Variants in ANKS1B observed in about 807,000 individuals in gnomAD.
The protein encoded by ANKS1B is ankyrin repeat and sterile alpha motif domain-containing protein 1B.
A neutral mutation model predicts 148.3 loss-of-function variants in ANKS1B; 36 were observed. That is an observed-to-expected ratio of 0.24 (90% CI 0.19 to 0.32). ANKS1B has a LOEUF of 0.32. Among genes scored for constraint, ANKS1B ranks in the 10% least tolerant of loss-of-function variants. The pLI is 1.00. For missense variants in ANKS1B, 1,157 were observed against 1,542.6 expected, an observed-to-expected ratio of 0.75 and a Z score of 4.19; for synonymous variants, 542 against 560.8, an observed-to-expected ratio of 0.97 and a Z score of 0.47.
chr12:99,019,303 T>C (rs1160617967), intron 17 of ANKS1B, among the ~76,000 whole-genome samples: 1 of 152,190 alleles, frequency 6.6e-6, no homozygotes, highest in African/African-American at 2.4e-5. Flanking sequence ...ATGCAGTTAA[T>C]AAAATTGGTA....
At chr12:99,547,437 C>T (rs2097181326) in intron 9 of ANKS1B, among the ~76,000 whole-genome samples, 2 of 152,104 alleles carry the variant, frequency 1.3e-5, no homozygotes, top group Admixed American at 1.3e-4. Flanking sequence ...AATATAGGAA[C>T]TTAAACACCC....
chr12:99,461,063 TATAC>T (rs144543168), intron 10 of ANKS1B, among the ~76,000 whole-genome samples: 5,649 of 151,378 alleles, frequency 0.037, 366 homozygotes, highest in African/African-American at 0.13. Context: ...TATATATATA[TATAC>T]ACATACACAC....
At chr12:99,671,832 T>C (rs1234207940) in intron 8 of ANKS1B, among the ~76,000 whole-genome samples, 1 of 152,172 alleles carries the variant, frequency 6.6e-6, no homozygotes, top group Admixed American at 6.6e-5. Flanking sequence ...ATGCTTCTTT[T>C]GTATGCTCAA....
At chr12:99,066,308 A>G (rs2153574746) in intron 16 of ANKS1B, among the ~76,000 whole-genome samples, 1 of 152,276 alleles carries the variant, frequency 6.6e-6, no homozygotes, top group South Asian at 2.1e-4. Flanking sequence ...GTGACAAAGC[A>G]AAACTCTGTC....
chr12:99,533,472 T>A (rs977271748), intron 9 of ANKS1B, among the ~76,000 whole-genome samples: 1 of 152,148 alleles, frequency 6.6e-6, no homozygotes, highest in Non-Finnish European at 1.5e-5. Flanking sequence ...TAAGATCATA[T>A]CATCAGCAAA....
At chr12:98,784,296 G>A (rs1220184811) in intron 22 of ANKS1B, among the ~76,000 whole-genome samples, 1 of 152,164 alleles carries the variant, frequency 6.6e-6, no homozygotes, top group Non-Finnish European at 1.5e-5. Flanking sequence ...ACACTTCAGG[G>A]GAAGATGAAA....
chr12:99,080,116 A>G (rs1027641710), intron 16 of ANKS1B, among the ~76,000 whole-genome samples: 1 of 152,214 alleles, frequency 6.6e-6, no homozygotes, highest in African/African-American at 2.4e-5. Flanking sequence ...GACGGATTTG[A>G]ACTGGATTCC....
intron 7 of ANKS1B, 31 bp from the exon 8 acceptor site, chr12:99,773,119 G>A (rs778817439): frequency 2.6e-6 from 4 of 1,568,534 alleles, no homozygotes; most frequent in Non-Finnish European, 3.5e-6. Flanking sequence ...GAAGTTTCAA[G>A]AAAGGCTATT....
chr12:99,257,202 C>G (rs1424440401), intron 12 of ANKS1B, among the ~76,000 whole-genome samples: 1 of 152,008 alleles, frequency 6.6e-6, no homozygotes, highest in Non-Finnish European at 1.5e-5. Flanking sequence ...CGAGATGGTG[C>G]CACTGCACTC....
At chr12:99,614,674 A>G (rs796442402) in intron 9 of ANKS1B, among the ~76,000 whole-genome samples, 18 of 152,094 alleles carry the variant, frequency 1.2e-4, no homozygotes, top group African/African-American at 3.6e-4. Context: ...TACATGTAGT[A>G]TATTTATGTG....
At chr12:99,175,935 C>T (rs1374745920) in intron 14 of ANKS1B, among the ~76,000 whole-genome samples, 3 of 152,156 alleles carry the variant, frequency 2.0e-5, no homozygotes, top group Non-Finnish European at 4.4e-5. Context: ...AAACTTCTGC[C>T]TCTGGGGTTC....
At position 99,697,568 on chromosome 12, in the gene ANKS1B, C is replaced by A. The variant is rs1599931583; in HGVS notation, c.1129-42358G>T. ...GAGACAATGAAAAGATCAGTGGTTG[C>A]CAAAGTTCTGGGGGATAAAGCAAGG... is the stretch of plus-strand genomic sequence containing the variant. On this transcript the variant is annotated intron_variant, in intron 8 of 26. Coordinates refer to ENST00000683438, the MANE Select transcript of ANKS1B (RefSeq NM_001352186.2). 2.0e-5 allele frequency among the ~76,000 whole-genome samples: 3 copies of A among 151,984 alleles called. No individual in the cohort carries two copies. The South Asian group carries it at 6.2e-4, about 32-fold the overall frequency.
chr12:99,311,274 A>G (rs528137472), intron 12 of ANKS1B, among the ~76,000 whole-genome samples: 2 of 152,232 alleles, frequency 1.3e-5, no homozygotes, highest in South Asian at 2.1e-4. Context: ...ATTGCCAGAA[A>G]CCCAGCAAGT....
chr12:99,902,261 C>A (rs1370997899), intron 1 of ANKS1B, among the ~76,000 whole-genome samples: 1 of 152,100 alleles, frequency 6.6e-6, no homozygotes, highest in Non-Finnish European at 1.5e-5. Context: ...TCAAAGAGAA[C>A]TGGAAGATCA....
intron 2 of ANKS1B, among the ~76,000 whole-genome samples, chr12:99,819,727 A>C (rs2082285024): frequency 6.6e-6 from 1 of 151,802 alleles, no homozygotes. Context: ...AGAAAAATTG[A>C]ATTGAAATAT....
chr12:99,658,199 C>G (rs953989120), intron 8 of ANKS1B, among the ~76,000 whole-genome samples: 4 of 152,086 alleles, frequency 2.6e-5, no homozygotes, highest in Non-Finnish European at 5.9e-5. Flanking sequence ...GTCCTGAATT[C>G]AAGTTCCAAA....
intron 11 of ANKS1B, among the ~76,000 whole-genome samples, chr12:99,434,908 T>C (rs2095434703): frequency 6.6e-6 from 1 of 151,980 alleles, no homozygotes; most frequent in Non-Finnish European, 1.5e-5. Context: ...ACAATATTAA[T>C]ACAGTCTTGC....
intron 17 of ANKS1B, among the ~76,000 whole-genome samples, chr12:98,944,012 A>G (rs2099841171): frequency 6.6e-6 from 1 of 152,136 alleles, no homozygotes; most frequent in Non-Finnish European, 1.5e-5. Flanking sequence ...TGTTTAAAAG[A>G]GCCTGGGCTG....
chr12:99,396,000 C>A (rs2094231380), intron 12 of ANKS1B, among the ~76,000 whole-genome samples: 1 of 152,064 alleles, frequency 6.6e-6, no homozygotes, highest in Non-Finnish European at 1.5e-5. Context: ...CCTTGGCATA[C>A]CTTGTACAGA....
Sources: gnomAD v4.1 joint callset for allele counts (sites outside exome capture counted in the v4.1 genomes callset) on GRCh38, gnomAD v4.1.1 for gene constraint, MANE v1.5 for transcripts, NCBI Gene and HGNC (gene_info 2026-07-23, HGNC 2026-07-21) for gene names.